Variants in C21orf58 observed in about 807,000 individuals in gnomAD.
C21orf58 encodes the protein chromosome 21 open reading frame 58, also known as uncharacterized protein C21orf58.
A neutral mutation model predicts 35.8 loss-of-function variants in C21orf58; 34 were observed. That is an observed-to-expected ratio of 0.95 (90% confidence interval 0.72 to 1.26). The LOEUF (loss-of-function observed/expected upper bound fraction) is 1.26. C21orf58 is among the 50% of genes most tolerant of loss of function. C21orf58 has a pLI of 0.00. For missense variants in C21orf58, 440 were observed against 414.3 expected (o/e 1.06, Z -0.54); for synonymous variants, 191 against 175.8 (o/e 1.09, Z -0.68).
rs561429798 is a variant in C21orf58 at position 46,318,304 on chromosome 21, G to A, written c.101-84C>T. On this transcript the variant is annotated intron_variant, in intron 1 of 7. Coordinates refer to ENST00000291691, the MANE Select transcript of C21orf58 (RefSeq NM_058180.5). ...CCCAGAAGCCAGCGCTGGGCGCCGC[G>A]TGACAGTTGCCAGGCTGCCAGACAC... 3,525 of 1,560,836 alleles carry A rather than the reference G, an allele frequency of 2.3e-3. 6 individuals carry two copies. The highest frequency in any genetic ancestry group is 2.8e-3 in the Non-Finnish European group (3,266 of 1,156,878).
downstream of C21orf58, chr21:46,300,876 AC>A: frequency 9.2e-7 from 1 of 1,088,466 alleles, no homozygotes; most frequent in Non-Finnish European, 1.2e-6. Flanking sequence ...ACATAATTGC[AC>A]CCAAAAAAAA....
chr21:46,303,727 ATATATATATATATATATAT>A (rs2082251397), intron 6 of C21orf58, among the ~76,000 whole-genome samples: 2 of 26,616 alleles, frequency 7.5e-5, no homozygotes, highest in African/African-American at 3.2e-4. Context: ...ATATATATAT[ATATATATATATATATATAT>A]TTTTTTTTTT....
chr21:46,315,821 T>A (rs2839210), intron 3 of C21orf58, among the ~76,000 whole-genome samples: 38,824 of 151,994 alleles, frequency 0.26, 5,108 homozygotes, highest in Middle Eastern at 0.34. Context: ...GAGGCTGAAA[T>A]GACGCGACCA....
At chr21:46,319,601 A>C (rs1669498891) in intron 1 of C21orf58, among the ~76,000 whole-genome samples, 1 of 152,178 alleles carries the variant, frequency 6.6e-6, no homozygotes, top group Non-Finnish European at 1.5e-5. Flanking sequence ...CATCTCTATA[A>C]AAAATAATAA....
rs1057446815 is a variant in C21orf58, at chr21:46,301,708, G to A, written c.*291C>T. ...ATCTGAGGCTCCCAGGTGGGCCGGC[G>A]CCGCCCTACAGGAAAGGAGGGGTCC... On this transcript the variant is annotated 3_prime_UTR_variant, in exon 8 of 8. Transcript: ENST00000291691. 7.8e-5 allele frequency: 92 copies of A among 1,174,300 alleles called. No individual in the cohort carries two copies. Among genetic ancestry groups the A allele is most frequent in the African/African-American group, 1.9e-4 (12 of 63,256 alleles). The allele number at this position is 1,174,300 out of a possible 1,614,324, so 72.7% of individuals were successfully genotyped here.
chr21:46,302,532 A>G lies in C21orf58; in HGVS notation c.766T>C (p.Leu256=), dbSNP rs1381262263. ...LLLQNAQVHQ[L]VLQNWMLKAL... is the part of the protein sequence containing the mutation. ...TTGAGCATCCAGTTCTGCAGGACCA[A>G]CTGGTGCACCTGTGCGTTCTGCAGC... Residue 256 remains leucine, a synonymous_variant, in exon 7 of 8, where the codon TTG becomes CTG. Transcript: ENST00000291691. 9 of 1,612,796 alleles carry G rather than the reference A, an allele frequency of 5.6e-6. No individual in the cohort carries two copies. Among genetic ancestry groups the G allele is most frequent in the Admixed American group, 1.7e-5 (1 of 59,900 alleles).
At chr21:46,304,419 G>C (rs780764603) in intron 6 of C21orf58, among the ~76,000 whole-genome samples, 1 of 151,692 alleles carries the variant, frequency 6.6e-6, no homozygotes, top group East Asian at 1.9e-4. Flanking sequence ...CCCAGAAGTT[G>C]AGGCTGCAGC....
chr21:46,318,492 C>T, intron 1 of C21orf58: 5 of 1,350,662 alleles, frequency 3.7e-6, no homozygotes, highest in Non-Finnish European at 4.8e-6. Context: ...GCAGTCGTGA[C>T]CCCCTATGCA....
intron 5 of C21orf58, among the ~76,000 whole-genome samples, chr21:46,312,255 G>A (rs536314674): frequency 1.3e-5 from 2 of 152,216 alleles, no homozygotes; most frequent in Admixed American, 6.5e-5. Flanking sequence ...TGTCTTTAGC[G>A]GGGTGGGCTG....
At chr21:46,317,599 A>AC (rs113248991) in intron 2 of C21orf58, among the ~76,000 whole-genome samples, 1 of 152,038 alleles carries the variant, frequency 6.6e-6, no homozygotes, top group Non-Finnish European at 1.5e-5. Context: ...TGCCTAGATC[A>AC]CCCCCCACCT....
chr21:46,315,201 C>T (rs901712417), intron 4 of C21orf58: 19 of 615,578 alleles, frequency 3.1e-5, no homozygotes, highest in Admixed American at 9.0e-5. Context: ...CTCTGCCACT[C>T]GGATGCATCT....
chr21:46,320,172 A>G (rs1386746695), intron 1 of C21orf58, among the ~76,000 whole-genome samples: 2 of 151,648 alleles, frequency 1.3e-5, no homozygotes, highest in Non-Finnish European at 1.5e-5. Flanking sequence ...GAGCCATCTC[A>G]GCTCACTGCA....
chr21:46,320,403 C>G (rs2083114774), intron 1 of C21orf58, among the ~76,000 whole-genome samples: 1 of 151,112 alleles, frequency 6.6e-6, no homozygotes, highest in African/African-American at 2.4e-5. Flanking sequence ...CACCTGGCCC[C>G]TGATGCCTTT....
In C21orf58 at chr21:46,301,672, G is replaced by T; in HGVS notation, c.*327C>A. ...ACGGCCTCAACTTTACCTCCGTGATGGAAGAGGGGGATCTGAGGCTCCCAG... is the reference window on the plus strand; with the variant it reads ...ACGGCCTCAACTTTACCTCCGTGATTGAAGAGGGGGATCTGAGGCTCCCAG... On this transcript the variant is annotated 3_prime_UTR_variant, in exon 8 of 8. Coordinates refer to ENST00000291691, the MANE Select transcript of C21orf58 (RefSeq NM_058180.5). 1 of 1,130,132 alleles carries T rather than the reference G, an allele frequency of 8.8e-7. No individual in the cohort carries two copies. Among genetic ancestry groups the T allele is most frequent in the Non-Finnish European group, 1.1e-6 (1 of 923,056 alleles). 70.0% of individuals were successfully genotyped at this position (1,130,132 alleles called of 1,614,324 possible). A position where few individuals can be genotyped will look rare whatever the true frequency, so the allele number is the denominator to read the frequency against.
downstream of C21orf58, chr21:46,300,573 A>G (rs1273714797): frequency 9.7e-6 from 10 of 1,025,970 alleles, no homozygotes; most frequent in Non-Finnish European, 1.2e-6. Flanking sequence ...GCACGAAAAG[A>G]TGGTTCTGAG....
rs1026293239 is a variant in C21orf58 at position 46,311,446 on chromosome 21, G to A, written c.721+10C>T. On this transcript the variant is annotated intron_variant, in intron 6 of 7. Transcript: ENST00000291691. ...CTCAACCCACAACAATATGAATATG[G>A]AACACTTACCTTCCTTAATACTTCC... 1 of 1,502,412 alleles carries A rather than the reference G, an allele frequency of 6.7e-7. No homozygotes were observed. Among genetic ancestry groups the A allele is most frequent in the Non-Finnish European group, 9.2e-7 (1 of 1,092,388 alleles). 93.1% of individuals were successfully genotyped at this position (1,502,412 alleles called of 1,614,324 possible).
At chr21:46,307,795 C>T (rs1397369629) in intron 6 of C21orf58, among the ~76,000 whole-genome samples, 2 of 152,102 alleles carry the variant, frequency 1.3e-5, no homozygotes, top group Non-Finnish European at 2.9e-5. Flanking sequence ...ACACGTCTGC[C>T]CCTAGACTAC....
At chr21:46,320,062 C>T (rs1264316881) in intron 1 of C21orf58, among the ~76,000 whole-genome samples, 2 of 151,978 alleles carry the variant, frequency 1.3e-5, no homozygotes, top group African/African-American at 4.8e-5. Context: ...GTATAGAGCA[C>T]CCTTGATATA....
Position 46,302,559 on chromosome 21 carries a change from G to T in C21orf58, c.739C>A (p.Leu247Met). The T allele has an allele frequency of 6.2e-7, 1 of 1,612,136 alleles. No individual in the cohort carries two copies. The highest frequency in any genetic ancestry group is 8.5e-7 in the Non-Finnish European group (1 of 1,179,106). The change falls in exon 7 of 8, where the codon CTG becomes ATG. Residue 247 changes from leucine to methionine, a missense_variant. Coordinates refer to ENST00000291691, the MANE Select transcript of C21orf58 (RefSeq NM_058180.5). Reference protein sequence around the residue: ...SIKEDMVELLLLQNAQVHQLV... With the variant: ...SIKEDMVELLMLQNAQVHQLV... ...TGGTGCACCTGTGCGTTCTGCAGCA[G>T]CAGCAGCTCCACCATGTCTGCAGGG... is the stretch of plus-strand genomic sequence containing the variant.
Sources: allele counts gnomAD v4.1 joint callset (sites outside exome capture counted in the v4.1 genomes callset), GRCh38; gene constraint gnomAD v4.1.1; transcripts MANE v1.5; gene names NCBI Gene and HGNC (gene_info 2026-07-23, HGNC 2026-07-21).